The following KHDRBS2 variants were observed in gnomAD, a reference collection of about 807,000 sequenced individuals.
KHDRBS2 encodes KH RNA binding domain containing, signal transduction associated 2.
Under a neutral mutation model 44.3 loss-of-function variants are expected in KHDRBS2, and 26 were observed. That is an observed-to-expected ratio of 0.59 (90% confidence interval 0.43 to 0.81). The LOEUF (loss-of-function observed/expected upper bound fraction) is 0.81, where lower values mean the gene tolerates loss of function less well. KHDRBS2 is among the 40% of genes least tolerant of loss of function. The probability of loss-of-function intolerance (pLI) is 0.00; values close to 1 mark genes in which losing one functional copy is unlikely to be tolerated. For synonymous variants in KHDRBS2, 194 were observed against 151.1 expected (o/e 1.28, Z -2.08); for missense variants, 476 against 433.1 (o/e 1.10, Z -0.88).
At chr6:62,272,719 A>T (rs986160502) in intron 1 of KHDRBS2, among the ~76,000 whole-genome samples, 10 of 152,214 alleles carry the variant, frequency 6.6e-5, no homozygotes, top group Non-Finnish European at 1.5e-4. Flanking sequence ...AGACTCCTGC[A>T]ATGGATATGA....
chr6:61,650,429 T>G, the KHDRBS2 span, among the ~76,000 whole-genome samples: 19 of 151,302 alleles, frequency 1.3e-4, no homozygotes, highest in Non-Finnish European at 2.5e-4. Context: ...TTTAATCAGG[T>G]GTCTAGTGCA....
intron 2 of KHDRBS2, among the ~76,000 whole-genome samples, chr6:62,113,720 T>C (rs2150077023): frequency 6.6e-6 from 1 of 152,228 alleles, no homozygotes; most frequent in African/African-American, 2.4e-5. Context: ...GAAAATTAAC[T>C]GACAAATCAG....
the KHDRBS2 span, among the ~76,000 whole-genome samples, chr6:61,590,899 T>C: frequency 6.6e-6 from 1 of 152,204 alleles, no homozygotes; most frequent in Non-Finnish European, 1.5e-5. Context: ...GGATGCTTCA[T>C]CTTTAGGCTT....
At chr6:62,066,370 A>C (rs1322457945) in intron 2 of KHDRBS2, among the ~76,000 whole-genome samples, 1 of 151,714 alleles carries the variant, frequency 6.6e-6, no homozygotes, top group African/African-American at 2.4e-5. Flanking sequence ...TTTAATACTT[A>C]ACAGATATTT....
chr6:61,637,270 G>A, the KHDRBS2 span, among the ~76,000 whole-genome samples: 1 of 151,828 alleles, frequency 6.6e-6, no homozygotes, highest in Non-Finnish European at 1.5e-5. Flanking sequence ...ACCTATGAGT[G>A]AGAATATGCG....
At chr6:62,219,192 T>C (rs1356416957) in intron 1 of KHDRBS2, among the ~76,000 whole-genome samples, 1 of 151,872 alleles carries the variant, frequency 6.6e-6, no homozygotes, top group Non-Finnish European at 1.5e-5. Flanking sequence ...TAACTGCAGA[T>C]GAAACACAGC....
At chr6:61,776,316 C>T (rs1261645167) in intron 6 of KHDRBS2, among the ~76,000 whole-genome samples, 3 of 152,154 alleles carry the variant, frequency 2.0e-5, no homozygotes, top group Admixed American at 6.5e-5. Context: ...TAAAGAGCCT[C>T]TGCACAGCAA....
At chr6:61,548,114 C>T in the KHDRBS2 span, among the ~76,000 whole-genome samples, 1 of 152,056 alleles carries the variant, frequency 6.6e-6, no homozygotes, top group African/African-American at 2.4e-5. Context: ...GAATCTAATA[C>T]TTCAAAAGAG....
intron 3 of KHDRBS2, among the ~76,000 whole-genome samples, chr6:62,039,225 C>T (rs1785945155): frequency 6.8e-6 from 1 of 148,014 alleles, no homozygotes; most frequent in South Asian, 2.1e-4. Context: ...AATAAAATAA[C>T]ATGTACATAT....
At chr6:61,550,164 T>A in the KHDRBS2 span, among the ~76,000 whole-genome samples, 1 of 152,110 alleles carries the variant, frequency 6.6e-6, no homozygotes, top group Non-Finnish European at 1.5e-5. Context: ...ACAAGCATAG[T>A]ACTCGATAGG....
chr6:62,215,777 A>G lies in KHDRBS2; in HGVS notation c.92-38465T>C, dbSNP rs2216150. 1.9e-3 allele frequency among the ~76,000 whole-genome samples: 288 copies of G among 151,880 alleles called. 7 individuals are homozygous for G. The East Asian group carries it at 0.048, about 25-fold the overall frequency. ...TCTTTAATAAATCATAGATTTTCAGAATCATAGGTTTTATAATCATGAGGA... is the reference window on the plus strand; with the variant it reads ...TCTTTAATAAATCATAGATTTTCAGGATCATAGGTTTTATAATCATGAGGA... On this transcript the variant is annotated intron_variant, in intron 1 of 8. Coordinates refer to ENST00000281156, the MANE Select transcript of KHDRBS2 (RefSeq NM_152688.4).
At chr6:61,896,919 T>C (rs775030508) in intron 5 of KHDRBS2, among the ~76,000 whole-genome samples, 1 of 152,182 alleles carries the variant, frequency 6.6e-6, no homozygotes, top group Admixed American at 6.5e-5. Context: ...TCTTTGGACT[T>C]TTATGACTCT....
chr6:62,082,264 G>T (rs1293328197), intron 2 of KHDRBS2, among the ~76,000 whole-genome samples: 3 of 151,622 alleles, frequency 2.0e-5, no homozygotes, highest in Admixed American at 2.0e-4. Context: ...ACAAGAAAAA[G>T]GGCCAAAATG....
chr6:61,878,536 A>G (rs1197213859), intron 6 of KHDRBS2, among the ~76,000 whole-genome samples: 2 of 152,012 alleles, frequency 1.3e-5, no homozygotes, highest in African/African-American at 4.8e-5. Flanking sequence ...AACTAGAGCT[A>G]GACCGCTGGT....
At chr6:61,866,934 T>TAAA (rs575314462) in intron 6 of KHDRBS2, among the ~76,000 whole-genome samples, 130 of 152,348 alleles carry the variant, frequency 8.5e-4, no homozygotes, top group African/African-American at 3.1e-3. Flanking sequence ...ATCAGCATTT[T>TAAA]GGACAAAGCT....
chr6:61,797,989 T>C (rs144597973), intron 6 of KHDRBS2, among the ~76,000 whole-genome samples: 5 of 152,028 alleles, frequency 3.3e-5, no homozygotes, highest in Non-Finnish European at 5.9e-5. Flanking sequence ...TAGTACCCAA[T>C]AGGTAGTTTT....
intron 6 of KHDRBS2, among the ~76,000 whole-genome samples, chr6:61,774,368 C>G (rs560698138): frequency 6.6e-6 from 1 of 150,522 alleles, no homozygotes; most frequent in Admixed American, 6.6e-5. Context: ...CCCTGTTTGC[C>G]GATGACATGA....
chr6:62,094,612 C>T (rs1800171643), intron 2 of KHDRBS2, among the ~76,000 whole-genome samples: 2 of 151,674 alleles, frequency 1.3e-5, no homozygotes, highest in Admixed American at 1.3e-4. Flanking sequence ...ATACTTTTGA[C>T]TTCTTATCCA....
At chr6:61,675,435 A>G (rs995554560), downstream of KHDRBS2, among the ~76,000 whole-genome samples, 4 of 151,392 alleles carry the variant, frequency 2.6e-5, no homozygotes, top group African/African-American at 9.7e-5. Context: ...TCTAAATATT[A>G]CACTAAATAT....
Sources: gnomAD v4.1 joint callset for allele counts (sites outside exome capture counted in the v4.1 genomes callset) on GRCh38, gnomAD v4.1.1 for gene constraint, MANE v1.5 for transcripts, NCBI Gene and HGNC (gene_info 2026-07-23, HGNC 2026-07-21) for gene names.